The following GALNT10 variants were observed in gnomAD, a reference collection of about 807,000 sequenced individuals.
GALNT10 encodes the protein polypeptide N-acetylgalactosaminyltransferase 10.
GALNT10 carries 41 observed loss-of-function variants against 75.0 expected under a neutral mutation model. That is an observed-to-expected ratio of 0.55 (90% CI 0.43 to 0.71). GALNT10 has a LOEUF of 0.71. Ranked by LOEUF, GALNT10 falls within the 30% of genes least tolerant of loss-of-function variation. The pLI, the probability that GALNT10 is intolerant of heterozygous loss-of-function variation, is 0.00. For synonymous variants in GALNT10, 302 were observed against 313.0 expected (o/e 0.96, Z 0.37); for missense variants, 727 against 818.5 (o/e 0.89, Z 1.36).
At position 154,294,919 on chromosome 5, in the gene GALNT10, G is replaced by T; in HGVS notation, c.262+1G>T. The T allele has an allele frequency of 6.7e-7, 1 of 1,481,916 alleles. No homozygotes were observed. The highest frequency in any genetic ancestry group is 1.1e-5 in the South Asian group (1 of 88,414). The allele number at this position is 1,481,916 out of a possible 1,614,324, so 91.8% of individuals were successfully genotyped here. ...ATCCGGAGGGACGCTCAGCGCGTAG[G>T]TACGGAGGGCAGGATTGGCCATGGG... is the stretch of plus-strand genomic sequence containing the variant. On this transcript the variant is annotated splice_donor_variant, in intron 2 of 11. Transcript: ENST00000297107. LOFTEE classifies it high-confidence loss of function.
At chr5:154,201,826 GGCT>G (rs894872265) in intron 1 of GALNT10, among the ~76,000 whole-genome samples, 25 of 152,086 alleles carry the variant, frequency 1.6e-4, no homozygotes, top group African/African-American at 6.0e-4. Flanking sequence ...CTCCTCAGCA[GGCT>G]GAGGTAGGAG....
intron 1 of GALNT10, among the ~76,000 whole-genome samples, chr5:154,254,412 C>A (rs1252106186): frequency 6.6e-6 from 1 of 152,026 alleles, no homozygotes; most frequent in African/African-American, 2.4e-5. Context: ...AGAATCATTC[C>A]TGTTGGCAAA....
intron 2 of GALNT10, among the ~76,000 whole-genome samples, chr5:154,295,432 G>C (rs1754258874): frequency 4.1e-5 from 5 of 122,058 alleles, no homozygotes; most frequent in Admixed American, 2.2e-4. Flanking sequence ...TCTGCCCACT[G>C]TTGCACAGAA....
At chr5:154,337,667 A>G in intron 4 of GALNT10, 1 of 1,037,566 alleles carries the variant, frequency 9.6e-7, no homozygotes, top group Non-Finnish European at 1.5e-6. Flanking sequence ...CATCACCTCC[A>G]GAATCGCTTC....
At chr5:154,228,266 A>G (rs1581928893) in intron 1 of GALNT10, among the ~76,000 whole-genome samples, 1 of 152,220 alleles carries the variant, frequency 6.6e-6, no homozygotes, top group Admixed American at 6.5e-5. Context: ...GGTATAAAGT[A>G]TGGATCAAAG....
At chr5:154,283,181 C>T (rs945321858) in intron 1 of GALNT10, among the ~76,000 whole-genome samples, 7 of 151,378 alleles carry the variant, frequency 4.6e-5, no homozygotes, top group East Asian at 3.9e-4. Context: ...TGATGGCTCA[C>T]GCCTGTAATC....
intron 1 of GALNT10, among the ~76,000 whole-genome samples, chr5:154,254,042 A>G (rs1336560616): frequency 6.6e-6 from 1 of 152,102 alleles, no homozygotes; most frequent in Non-Finnish European, 1.5e-5. Flanking sequence ...ACCTTAGCCC[A>G]TAGTGCTCTC....
At chr5:154,284,627 C>T (rs768877850) in intron 1 of GALNT10, among the ~76,000 whole-genome samples, 11 of 152,212 alleles carry the variant, frequency 7.2e-5, no homozygotes, top group Non-Finnish European at 1.5e-4. Flanking sequence ...TTTCTAGGGG[C>T]TTTCCTGTGA....
chr5:154,305,165 A>G (rs1442900570), intron 3 of GALNT10, among the ~76,000 whole-genome samples: 2 of 152,064 alleles, frequency 1.3e-5, no homozygotes, highest in Non-Finnish European at 2.9e-5. Flanking sequence ...GCATAGTGGC[A>G]TATGTTTGTA....
chr5:154,391,005 A>C (rs2113192618), intron 7 of GALNT10, among the ~76,000 whole-genome samples: 1 of 152,318 alleles, frequency 6.6e-6, no homozygotes, highest in East Asian at 1.9e-4. Context: ...GAGGCTCCTG[A>C]GGTCCGGAAG....
intron 9 of GALNT10, among the ~76,000 whole-genome samples, chr5:154,411,180 C>T (rs1756390730): frequency 6.6e-6 from 1 of 152,192 alleles, no homozygotes; most frequent in Non-Finnish European, 1.5e-5. Flanking sequence ...TTGTGTTTGA[C>T]TCACATATGA....
chr5:154,231,037 T>C (rs1278939085), intron 1 of GALNT10, among the ~76,000 whole-genome samples: 1 of 152,232 alleles, frequency 6.6e-6, no homozygotes, highest in Non-Finnish European at 1.5e-5. Context: ...TTTGTGAACG[T>C]TGGCTGCCTG....
intron 4 of GALNT10, among the ~76,000 whole-genome samples, chr5:154,343,634 G>T (rs575365533): frequency 1.1e-4 from 16 of 152,236 alleles, no homozygotes; most frequent in Admixed American, 2.0e-4. Context: ...TTTTATAGAA[G>T]AATGTGCTTG....
intron 4 of GALNT10, among the ~76,000 whole-genome samples, chr5:154,334,440 G>A (rs759469327): frequency 2.6e-5 from 4 of 152,218 alleles, no homozygotes; most frequent in Admixed American, 6.5e-5. Context: ...AAAGATGGGC[G>A]TATAGGCTGG....
intron 3 of GALNT10, among the ~76,000 whole-genome samples, chr5:154,320,698 C>T (rs1000889823): frequency 3.9e-5 from 6 of 152,056 alleles, no homozygotes; most frequent in Non-Finnish European, 2.9e-5. Context: ...ATGAAATGAT[C>T]AAAAGGATTA....
chr5:154,417,044 G>A lies in GALNT10; in HGVS notation c.*72G>A, dbSNP rs925679091. On this transcript the variant is annotated 3_prime_UTR_variant, in exon 12 of 12. Transcript: ENST00000297107. ...CAGACTTCCTCTTTCAAGGGAGGCA[G>A]GGCCCCTGTGGGCACTAGGTGTAAA... 5.9e-6 allele frequency: 8 copies of A among 1,355,134 alleles called. No homozygotes were observed. In the African/African-American group the frequency reaches 7.2e-5, roughly 12 times the overall value. The allele number at this position is 1,355,134 out of a possible 1,614,324, so 83.9% of individuals were successfully genotyped here. A position where few individuals can be genotyped will look rare whatever the true frequency, so the allele number is the denominator to read the frequency against.
At chr5:154,314,745 A>G (rs1675455693) in intron 3 of GALNT10, among the ~76,000 whole-genome samples, 1 of 151,794 alleles carries the variant, frequency 6.6e-6, no homozygotes, top group Non-Finnish European at 1.5e-5. Context: ...ACCATGTGAA[A>G]GTGCTAAAGT....
Position 154,257,837 on chromosome 5 carries a change from T to A in GALNT10, c.160-36979T>A, listed in dbSNP as rs372230916. 1.0e-3 allele frequency among the ~76,000 whole-genome samples: 158 copies of A among 152,244 alleles called. 1 individual carries two copies. The highest frequency in any genetic ancestry group is 6.8e-3 in the Middle Eastern group (2 of 294). ...GTGAGGTTTTTCTTGATGAGTAGAT[T>A]TTGCAGATATGTTTGTGCTATTAAG... On this transcript the variant is annotated intron_variant, in intron 1 of 11. Transcript: ENST00000297107.
At chr5:154,267,158 A>T (rs934428673) in intron 1 of GALNT10, among the ~76,000 whole-genome samples, 2 of 152,248 alleles carry the variant, frequency 1.3e-5, no homozygotes, top group Admixed American at 1.3e-4. Flanking sequence ...ATATTAAAAT[A>T]AAGTTAAAAT....
Sources: gnomAD v4.1 joint callset for allele counts (sites outside exome capture counted in the v4.1 genomes callset) on GRCh38, gnomAD v4.1.1 for gene constraint, MANE v1.5 for transcripts, NCBI Gene and HGNC (gene_info 2026-07-23, HGNC 2026-07-21) for gene names.